GABRR2: variants seen among roughly 807,000 people sequenced by gnomAD.
GABRR2 encodes gamma-aminobutyric acid receptor subunit rho-2.
In GABRR2, 36 loss-of-function variants were observed where a neutral mutation model predicts 47.0. The ratio of observed to expected loss-of-function variants is 0.77; its 90% confidence interval spans 0.59 to 1.01. GABRR2 has a LOEUF of 1.01. GABRR2 is among the 50% of genes least tolerant of loss of function. The probability of loss-of-function intolerance (pLI) is 0.00; values close to 1 mark genes in which losing one functional copy is unlikely to be tolerated. For synonymous variants in GABRR2, 204 were observed against 227.5 expected (o/e 0.90, Z 0.93); for missense variants, 587 against 594.6 (o/e 0.99, Z 0.13).
intron 2 of GABRR2, among the ~76,000 whole-genome samples, chr6:89,285,973 C>T (rs961721098): frequency 1.4e-4 from 22 of 151,980 alleles, no homozygotes; most frequent in Admixed American, 6.6e-5. Context: ...TCCCAAGGGC[C>T]TTGGGCCCTT....
At chr6:89,277,868 T>TGGGGGG (rs141786803) in intron 2 of GABRR2, among the ~76,000 whole-genome samples, 1 of 84,402 alleles carries the variant, frequency 1.2e-5, no homozygotes, top group Non-Finnish European at 2.4e-5. Context: ...TGGGCGGGGG[T>TGGGGGG]GGGGGGGGGT....
At chr6:89,301,889 A>T (rs1457344486) in intron 1 of GABRR2, 8 of 1,139,848 alleles carry the variant, frequency 7.0e-6, no homozygotes, top group Non-Finnish European at 9.3e-6. Context: ...AGCGGCAACT[A>T]CGTGGGGAAC....
chr6:89,274,506 AG>A (rs1774118807), intron 2 of GABRR2, among the ~76,000 whole-genome samples: 2 of 152,166 alleles, frequency 1.3e-5, no homozygotes. Context: ...CCTATTTAGA[AG>A]GAAAGTAGTC....
intron 3 of GABRR2, chr6:89,269,503 G>T (rs897685037): frequency 4.0e-6 from 2 of 500,886 alleles, no homozygotes; most frequent in African/African-American, 3.9e-5. Context: ...CTCGCAGCCT[G>T]GCCTGGTGGC....
chr6:89,291,870 C>T (rs564863927), intron 2 of GABRR2, among the ~76,000 whole-genome samples: 1 of 152,186 alleles, frequency 6.6e-6, no homozygotes, highest in African/African-American at 2.4e-5. Flanking sequence ...AAGGGCGGCT[C>T]TTCCCCAGGG....
At chr6:89,262,295 T>C (rs892896251) in intron 8 of GABRR2, among the ~76,000 whole-genome samples, 1 of 152,226 alleles carries the variant, frequency 6.6e-6, no homozygotes, top group Non-Finnish European at 1.5e-5. Context: ...AGGGTGAACA[T>C]GGGTTGTATG....
chr6:89,275,497 C>T (rs1460241073), intron 2 of GABRR2, among the ~76,000 whole-genome samples: 3 of 152,146 alleles, frequency 2.0e-5, no homozygotes, highest in Non-Finnish European at 4.4e-5. Context: ...TGGTCTGAAA[C>T]TCCTGGCCTC....
intron 2 of GABRR2, among the ~76,000 whole-genome samples, chr6:89,283,505 T>TA (rs917386522): frequency 9.2e-5 from 14 of 151,902 alleles, no homozygotes; most frequent in Non-Finnish European, 1.5e-4. Context: ...TAGTGCTAAG[T>TA]AAAAAAAACC....
chr6:89,299,831 T>C lies in GABRR2; in HGVS notation c.148A>G (p.Ile50Val), dbSNP rs62000393. Residue 50 changes from isoleucine (I) to valine (V), a missense_variant, in exon 2 of 9, where the codon ATC becomes GTC. Ile to Val is a conservative substitution (Grantham distance 29). Transcript: ENST00000402938. ...LYKKNLDVTK[I>V]RKGKPQQLLR... ...AGCTGCTGAGGCTTTCCCTTCCGGA[T>C]CTTGGTCACATCAAGGTTCTTCTTA... The C allele has an allele frequency of 1.4e-5, 22 of 1,613,738 alleles. No individual in the cohort carries two copies. The African/African-American group carries it at 2.8e-4, about 21-fold the overall frequency.
chr6:89,261,741 C>T (rs7769402), intron 8 of GABRR2, among the ~76,000 whole-genome samples: 17,865 of 152,082 alleles, frequency 0.12, 1,351 homozygotes, highest in African/African-American at 0.21. Flanking sequence ...AGATAAACAA[C>T]GTTAAAACAA....
chr6:89,306,414 C>T (rs1562391856), intron 1 of GABRR2, among the ~76,000 whole-genome samples: 1 of 152,076 alleles, frequency 6.6e-6, no homozygotes, highest in Non-Finnish European at 1.5e-5. Flanking sequence ...GATAAATATA[C>T]TTCTAAGACA....
chr6:89,267,880 C>T, intron 5 of GABRR2, 61 bp from the exon 6 acceptor site: 1 of 1,598,496 alleles, frequency 6.3e-7, no homozygotes, highest in Non-Finnish European at 8.6e-7. Flanking sequence ...GGTGAAGTAA[C>T]AGGGAAATCC....
chr6:89,281,296 A>C (rs944055074), intron 2 of GABRR2, among the ~76,000 whole-genome samples: 1 of 152,244 alleles, frequency 6.6e-6, no homozygotes, highest in Non-Finnish European at 1.5e-5. Context: ...AGTGAAAAAG[A>C]AGCATTCATA....
intron 1 of GABRR2, among the ~76,000 whole-genome samples, chr6:89,303,846 CA>C (rs1437380785): frequency 6.6e-6 from 1 of 152,058 alleles, no homozygotes; most frequent in Non-Finnish European, 1.5e-5. Context: ...CCAACAAAAG[CA>C]ATAAGGCAAG....
At chr6:89,297,556 A>C (rs755941440) in intron 2 of GABRR2, among the ~76,000 whole-genome samples, 4 of 152,164 alleles carry the variant, frequency 2.6e-5, no homozygotes, top group African/African-American at 4.8e-5. Context: ...AAAAATCCCT[A>C]TGAAAGTGGT....
intron 2 of GABRR2, among the ~76,000 whole-genome samples, chr6:89,291,071 C>T (rs1026800327): frequency 6.6e-6 from 1 of 152,150 alleles, no homozygotes; most frequent in African/African-American, 2.4e-5. Flanking sequence ...TTCCTCATTG[C>T]TTTTTCTCAG....
At chr6:89,267,252 C>T (rs936301220) in intron 6 of GABRR2, among the ~76,000 whole-genome samples, 2 of 152,056 alleles carry the variant, frequency 1.3e-5, no homozygotes, top group African/African-American at 4.8e-5. Flanking sequence ...AGAACCTATT[C>T]TAGGCTACAT....
At chr6:89,278,661 A>C (rs1774206938) in intron 2 of GABRR2, among the ~76,000 whole-genome samples, 1 of 152,106 alleles carries the variant, frequency 6.6e-6, no homozygotes, top group African/African-American at 2.4e-5. Flanking sequence ...TTCTTTTCCT[A>C]GTGTAACACT....
chr6:89,311,319 T>C (rs1767678331), intron 1 of GABRR2, among the ~76,000 whole-genome samples: 1 of 152,182 alleles, frequency 6.6e-6, no homozygotes, highest in African/African-American at 2.4e-5. Flanking sequence ...GGAAAAGGCT[T>C]AGGAGAGCGG....
Sources: gnomAD v4.1 joint callset for allele counts (sites outside exome capture counted in the v4.1 genomes callset) on GRCh38, gnomAD v4.1.1 for gene constraint, MANE v1.5 for transcripts, NCBI Gene and HGNC (gene_info 2026-07-23, HGNC 2026-07-21) for gene names.